The following TNFRSF10D variants were observed in gnomAD, a reference collection of about 807,000 sequenced individuals.
The protein encoded by TNFRSF10D is tumor necrosis factor receptor superfamily member 10D.
A neutral mutation model predicts 42.1 loss-of-function variants in TNFRSF10D; 28 were observed. The observed-to-expected ratio is 0.66, with a 90% CI of 0.49 to 0.91. TNFRSF10D has a LOEUF of 0.91. TNFRSF10D is among the 40% of genes least tolerant of loss of function. The pLI is 0.00. For synonymous variants in TNFRSF10D, 186 were observed against 189.4 expected (o/e 0.98, Z 0.15); for missense variants, 503 against 486.1 (o/e 1.03, Z -0.33).
chr8:23,163,627 C>T (rs1253957942), intron 1 of TNFRSF10D, among the ~76,000 whole-genome samples, 159 bp downstream of exon 1: 3 of 152,118 alleles, frequency 2.0e-5, no homozygotes, highest in South Asian at 2.1e-4. Context: ...CCCGGGCACC[C>T]CACTCTTCCC....
At position 23,138,194 on chromosome 8, in the gene TNFRSF10D, C is replaced by T. The variant is rs61752042; in HGVS notation, c.1021G>A (p.Ala341Thr). ...LLVPVNDADS[A>T]DISTLLDASA... The stretch of plus-strand genomic sequence containing the variant: ...CAAGGCACAAAACACTTACTGTCAG[C>T]GGAGTCAGCGTCATTCACTGGAACC... The change falls in exon 8 of 9, where the codon GCT (alanine) becomes ACT (threonine). Residue 341 changes from alanine (A) to threonine (T), a missense_variant. Coordinates refer to ENST00000312584, the MANE Select transcript of TNFRSF10D (RefSeq NM_003840.5). 2,699 of 1,613,866 alleles carry T rather than the reference C, an allele frequency of 1.7e-3. No individual in the cohort carries two copies. In the African/African-American group the frequency reaches 0.019, roughly 12 times the overall value.
In TNFRSF10D at chr8:23,147,011, T is replaced by G. The variant is rs1174072563; in HGVS notation, c.432A>C (p.Gly144=). 1.2e-6 allele frequency: 2 copies of G among 1,614,046 alleles called. No individual in the cohort carries two copies. Among genetic ancestry groups the G allele is most frequent in the Non-Finnish European group, 1.7e-6 (2 of 1,180,042 alleles). Residue 144 remains glycine (G), a synonymous_variant, in exon 4 of 9, where the codon GGA becomes GGC. Transcript: ENST00000312584. ...TRDTVCQCEK[G]SFQDKNSPEM... is the part of the protein sequence containing the mutation. ...CAGGGGAGTTTTTATCCTGGAAGCTTCCTTTTTCACACTGACACACGGTGT... is the reference window on the plus strand; with the variant it reads ...CAGGGGAGTTTTTATCCTGGAAGCTGCCTTTTTCACACTGACACACGGTGT...
intron 3 of TNFRSF10D, among the ~76,000 whole-genome samples, chr8:23,147,560 A>G (rs1434480422): frequency 1.3e-5 from 2 of 152,182 alleles, no homozygotes; most frequent in African/African-American, 2.4e-5. Context: ...GGCCTCCTCT[A>G]TGCTGTAATG....
Position 23,137,711 on chromosome 8 carries a change from T to C in TNFRSF10D, c.*159A>G. ...AGTATTTCATAAAAATTACTCCAAG[T>C]GCGTTAACAAAGTTCTAGGACCATT... On this transcript the variant is annotated 3_prime_UTR_variant, in exon 9 of 9. Transcript: ENST00000312584. The C allele has an allele frequency of 1.2e-6, 1 of 868,914 alleles. No individual in the cohort carries two copies. Among genetic ancestry groups the C allele is most frequent in the Non-Finnish European group, 1.7e-6 (1 of 587,820 alleles). 53.8% of individuals were successfully genotyped at this position (868,914 alleles called of 1,614,324 possible). A position where few individuals can be genotyped will look rare whatever the true frequency, so the allele number is the denominator to read the frequency against.
At position 23,148,928 on chromosome 8, in the gene TNFRSF10D, C is replaced by T. The variant is rs537992783; in HGVS notation, c.257-377G>A. ...TTTTTTGGCCAGGCACGGTGGCTCA[C>T]GCCTGTAATCCCAGTACTTAGGGAG... On this transcript the variant is annotated intron_variant, in intron 2 of 8. Coordinates refer to ENST00000312584, the MANE Select transcript of TNFRSF10D (RefSeq NM_003840.5). Among the ~76,000 whole-genome samples the T allele has an allele frequency of 5.9e-4, 89 of 151,354 alleles. 1 individual carries two copies. Among genetic ancestry groups the T allele is most frequent in the African/African-American group, 1.4e-3 (56 of 41,244 alleles).
At chr8:23,159,117 G>GTGGTTTTTGGTTTTATTT (rs1800325130) in intron 1 of TNFRSF10D, among the ~76,000 whole-genome samples, 1 of 151,928 alleles carries the variant, frequency 6.6e-6, no homozygotes, top group Admixed American at 6.6e-5. Context: ...GTCTGTGTCT[G>GTGGTTTTTGGTTTTATTT]TGGTTTTTGG....
chr8:23,162,382 ATTGTAGAAGTCAG>A (rs1195644496), intron 1 of TNFRSF10D, among the ~76,000 whole-genome samples: 1 of 152,172 alleles, frequency 6.6e-6, no homozygotes, highest in African/African-American at 2.4e-5. Context: ...ACTATAAACT[ATTGTAGAAGTCAG>A]TTGTGTAATT....
chr8:23,140,211 C>T (rs1261320763), intron 7 of TNFRSF10D, among the ~76,000 whole-genome samples: 3 of 152,074 alleles, frequency 2.0e-5, no homozygotes, highest in Admixed American at 6.6e-5. Flanking sequence ...ATGGCGTGAA[C>T]CTGGGAGGTG....
chr8:23,155,026 C>T, intron 1 of TNFRSF10D, 47 bp from the exon 2 acceptor site: 1 of 1,441,406 alleles, frequency 6.9e-7, no homozygotes. Flanking sequence ...CCAGACCTTA[C>T]CTCTCCCAGG....
At chr8:23,144,764 A>C in intron 6 of TNFRSF10D, 129 bp from the exon 7 acceptor site, 1 of 1,169,456 alleles carries the variant, frequency 8.6e-7, no homozygotes, top group Admixed American at 2.5e-5. Context: ...GGCTCAGCAC[A>C]TCCAGGACCC....
intron 1 of TNFRSF10D, among the ~76,000 whole-genome samples, chr8:23,159,195 G>A (rs1441483216): frequency 6.6e-6 from 1 of 151,992 alleles, no homozygotes; most frequent in African/African-American, 2.4e-5. Flanking sequence ...TGAACTCCTG[G>A]GCTCTAAGGA....
In TNFRSF10D at chr8:23,145,864, G is replaced by A. The variant is rs775909075; in HGVS notation, c.540C>T (p.Cys180=). The change falls in exon 5 of 9, where the codon TGC becomes TGT. Residue 180 remains cysteine (C), a synonymous_variant. Transcript: ENST00000312584. Reference sequence around the variant, plus strand: ...TGGAACTGGCAGCTGATTCATTTTTGCACTTGATGTCACTCCGGGGCGTAC... The same window carrying A: ...TGGAACTGGCAGCTGATTCATTTTTACACTTGATGTCACTCCGGGGCGTAC... ...SNCTPRSDIK[C]KNESAASSTG... is the part of the protein sequence containing the mutation. 3.7e-6 allele frequency: 6 copies of A among 1,614,176 alleles called. No homozygotes were observed. Among genetic ancestry groups the A allele is most frequent in the East Asian group, 2.2e-5 (1 of 44,876 alleles).
chr8:23,153,043 G>A (rs372443721), intron 2 of TNFRSF10D, among the ~76,000 whole-genome samples: 1 of 152,178 alleles, frequency 6.6e-6, no homozygotes. Flanking sequence ...CTGATGGAAT[G>A]AAATAGTGAA....
Position 23,148,492 on chromosome 8 carries a change from T to G in TNFRSF10D, c.316A>C (p.Thr106Pro). The change falls in exon 3 of 9, where the codon ACC (threonine) becomes CCC (proline). Residue 106 changes from threonine to proline, a missense_variant. Transcript: ENST00000312584. ...CNPCTEGVDY[T>P]IASNNLPSCL... ...GAAGGCAAATTGTTGGAAGCAATGG[T>G]GTAATCCACACCCTCTGTGCACGGG... 6.2e-7 allele frequency: 1 copy of G among 1,611,328 alleles called. No individual in the cohort carries two copies. The highest frequency in any genetic ancestry group is 1.1e-5 in the South Asian group (1 of 90,996).
intron 1 of TNFRSF10D, 101 bp from the exon 2 acceptor site, chr8:23,155,080 G>C: frequency 2.2e-6 from 2 of 916,988 alleles, no homozygotes; most frequent in East Asian, 2.8e-5. Context: ...AAACCCATGA[G>C]AGCCTGGACT....
intron 4 of TNFRSF10D, among the ~76,000 whole-genome samples, chr8:23,146,756 T>G: frequency 6.7e-6 from 1 of 148,212 alleles, no homozygotes; most frequent in Non-Finnish European, 1.5e-5. Context: ...CTGGGGAGGG[T>G]ATGGGAAGGG....
chr8:23,159,692 T>C (rs552453035), intron 1 of TNFRSF10D, among the ~76,000 whole-genome samples: 95 of 152,082 alleles, frequency 6.2e-4, no homozygotes, highest in African/African-American at 1.9e-3. Context: ...CAAAACCCCG[T>C]CTCTACTAAA....
Position 23,136,747 on chromosome 8 carries a change from C to A in TNFRSF10D, c.*1123G>T, listed in dbSNP as rs1355673819. The A allele has an allele frequency of 6.6e-6, 1 of 152,068 alleles. No homozygotes were observed. The highest frequency in any genetic ancestry group is 1.5e-5 in the Non-Finnish European group (1 of 68,010). 9.4% of individuals were successfully genotyped at this position (152,068 alleles called of 1,614,324 possible). A position where few individuals can be genotyped will look rare whatever the true frequency, so the allele number is the denominator to read the frequency against. On this transcript the variant is annotated 3_prime_UTR_variant, in exon 9 of 9. Coordinates refer to ENST00000312584, the MANE Select transcript of TNFRSF10D (RefSeq NM_003840.5). The stretch of plus-strand genomic sequence containing the variant: ...CACATGGCTTCCCAAAGATACCAGG[C>A]TCTTCAAAATCCTGGGCATATGTAA...
chr8:23,140,161 C>CGGGT lies in TNFRSF10D; in HGVS notation c.955-1902_955-1901insACCC, dbSNP rs1563354276. Among the ~76,000 whole-genome samples the CGGGT allele has an allele frequency of 8.5e-5, 13 of 152,108 alleles. No individual in the cohort carries two copies. In the East Asian group the frequency reaches 2.5e-3, roughly 29 times the overall value. ...AAAACTAACCAGGCGTGGCAGTGTG[C>CGGGT]GCCTGTAATCCCAGCTGCTGGGGAG... is the stretch of plus-strand genomic sequence containing the variant. On this transcript the variant is annotated intron_variant, in intron 7 of 8. Coordinates refer to ENST00000312584, the MANE Select transcript of TNFRSF10D (RefSeq NM_003840.5).
Sources: gnomAD v4.1 joint callset for allele counts (sites outside exome capture counted in the v4.1 genomes callset) on GRCh38, gnomAD v4.1.1 for gene constraint, MANE v1.5 for transcripts, NCBI Gene and HGNC (gene_info 2026-07-23, HGNC 2026-07-21) for gene names.